The following CACNA1C variants were observed in gnomAD, a reference collection of about 807,000 sequenced individuals.
CACNA1C encodes voltage-dependent L-type calcium channel subunit alpha-1C.
A neutral mutation model predicts 229.0 loss-of-function variants in CACNA1C; 30 were observed. That is an observed-to-expected ratio of 0.13 (90% CI 0.10 to 0.18). The LOEUF is 0.18. CACNA1C is among the 10% of genes least tolerant of loss of function. CACNA1C has a pLI of 1.00. For missense variants in CACNA1C, 1,658 were observed against 2,845.0 expected, an observed-to-expected ratio of 0.58 and a Z score of 9.49; for synonymous variants, 1,114 against 1,132.5, an observed-to-expected ratio of 0.98 and a Z score of 0.33.
At chr12:2,371,553 T>C (rs1158248366) in intron 3 of CACNA1C, among the ~76,000 whole-genome samples, 6 of 152,074 alleles carry the variant, frequency 3.9e-5, no homozygotes, top group Non-Finnish European at 8.8e-5. Context: ...TCTGACAAGC[T>C]CTCAAGTGAT....
At position 2,632,342 on chromosome 12, in the gene CACNA1C, T is replaced by C. The variant is rs951876636; in HGVS notation, c.3829-1955T>C. On this transcript the variant is annotated intron_variant, in intron 29 of 46. Transcript: ENST00000399655. This position sits in a 1 kb window ranked among gnomAD's most constrained non-coding sequence, Gnocchi z 4.1. Reference sequence around the variant, plus strand: ...AGCTGGGGGTGTATGGGGAATATGATCGCCTGTAGCTGGGGGTGTATGCAC... The same window carrying C: ...AGCTGGGGGTGTATGGGGAATATGACCGCCTGTAGCTGGGGGTGTATGCAC... Among the ~76,000 whole-genome samples the C allele has an allele frequency of 6.6e-6, 1 of 151,146 alleles. No homozygotes were observed. The highest frequency in any genetic ancestry group is 2.4e-5 in the African/African-American group (1 of 40,914).
chr12:2,076,980 G>A (rs1325448774), intron 1 of CACNA1C, among the ~76,000 whole-genome samples: 1 of 152,234 alleles, frequency 6.6e-6, no homozygotes, highest in Non-Finnish European at 1.5e-5. Flanking sequence ...GTGCCCTGGA[G>A]CGGACGCCAT....
At chr12:2,662,891 A>T (rs1216063801) in intron 34 of CACNA1C, among the ~76,000 whole-genome samples, 1 of 152,268 alleles carries the variant, frequency 6.6e-6, no homozygotes, top group Non-Finnish European at 1.5e-5. Flanking sequence ...GTAGGTGAAG[A>T]TGTACTATTC....
At chr12:2,521,328 C>T (rs1462304041) in intron 9 of CACNA1C, among the ~76,000 whole-genome samples, 1 of 152,184 alleles carries the variant, frequency 6.6e-6, no homozygotes, top group East Asian at 1.9e-4. Flanking sequence ...CAGGGAGCCA[C>T]CGGGACCTCT....
intron 3 of CACNA1C, among the ~76,000 whole-genome samples, chr12:2,375,678 A>G (rs1479502926): frequency 6.6e-6 from 1 of 152,164 alleles, no homozygotes; most frequent in African/African-American, 2.4e-5. Flanking sequence ...AAGGATGCTT[A>G]TTATTGCTGC....
At chr12:2,035,839 T>A (rs1435295309) in intron 1 of CACNA1C, among the ~76,000 whole-genome samples, 2 of 152,232 alleles carry the variant, frequency 1.3e-5, no homozygotes, top group East Asian at 3.8e-4. Context: ...TGGCTGTCTG[T>A]TCTAGTATTT....
At chr12:1,986,159 T>C (rs991472285) in intron 1 of CACNA1C, among the ~76,000 whole-genome samples, 4 of 152,262 alleles carry the variant, frequency 2.6e-5, no homozygotes, top group Non-Finnish European at 5.9e-5. Context: ...ATACATATAC[T>C]AGTCTGAATT....
At chr12:2,688,837 A>G in intron 46 of CACNA1C, 58 bp downstream of exon 46, 1 of 1,347,448 alleles carries the variant, frequency 7.4e-7, no homozygotes, top group Non-Finnish European at 9.9e-7. Flanking sequence ...GGGACTTGGC[A>G]TGCGGGGCTG....
At chr12:2,520,054 G>T (rs1301395267) in intron 9 of CACNA1C, among the ~76,000 whole-genome samples, 1 of 152,262 alleles carries the variant, frequency 6.6e-6, no homozygotes, top group Non-Finnish European at 1.5e-5. Flanking sequence ...GGCAAGGCTT[G>T]CTAGGTTAAG....
chr12:2,523,297 C>A (rs2154580790), intron 9 of CACNA1C, among the ~76,000 whole-genome samples: 1 of 152,206 alleles, frequency 6.6e-6, no homozygotes, highest in Middle Eastern at 3.4e-3. Flanking sequence ...CAAGCGCCAT[C>A]CCTTTGGAAT....
rs767784661 is a variant in CACNA1C at position 2,285,903 on chromosome 12, A to G, written c.478-163073A>G. Among the ~76,000 whole-genome samples, 10 of 152,192 alleles carry G rather than the reference A, an allele frequency of 6.6e-5. No homozygotes were observed. The highest frequency in any genetic ancestry group is 1.2e-4 in the Non-Finnish European group (8 of 68,034). On this transcript the variant is annotated intron_variant, in intron 3 of 46. Coordinates refer to ENST00000399655, the MANE Select transcript of CACNA1C (RefSeq NM_000719.7). This position sits in a 1 kb window ranked among gnomAD's most constrained non-coding sequence, Gnocchi z 4.2. ...TTCCACTGAAGATAGGGATTCTTCAAACTGCACAGCTTTTCAGGCCATTTC... is the reference window on the plus strand; with the variant it reads ...TTCCACTGAAGATAGGGATTCTTCAGACTGCACAGCTTTTCAGGCCATTTC...
At chr12:2,466,300 G>A (rs963196607) in intron 5 of CACNA1C, among the ~76,000 whole-genome samples, 1 of 152,208 alleles carries the variant, frequency 6.6e-6, no homozygotes, top group Non-Finnish European at 1.5e-5. Context: ...GTGGCTCCCA[G>A]GAAAGTGTTT....
At position 2,677,951 on chromosome 12, in the gene CACNA1C, C is replaced by T; in HGVS notation, c.5091+84C>T. On this transcript the variant is annotated intron_variant, in intron 41 of 46. Transcript: ENST00000399655. This position sits in a 1 kb window ranked among gnomAD's most constrained non-coding sequence, Gnocchi z 7.4. The stretch of plus-strand genomic sequence containing the variant: ...TGGGCTGGGGTTTTGCGGGGAACGT[C>T]CAGGGGAAGGAGCTGCACCAGAGGA... 1 of 1,502,216 alleles carries T rather than the reference C, an allele frequency of 6.7e-7. No homozygotes were observed. 93.1% of individuals were successfully genotyped at this position (1,502,216 alleles called of 1,614,324 possible). A position where few individuals can be genotyped will look rare whatever the true frequency, so the allele number is the denominator to read the frequency against.
intron 4 of CACNA1C, among the ~76,000 whole-genome samples, chr12:2,456,924 G>A (rs368930048): frequency 1.1e-4 from 17 of 152,260 alleles, no homozygotes; most frequent in African/African-American, 3.9e-4. Context: ...AGGTGTTCTT[G>A]TTTGTTGGAG....
chr12:2,490,129 A>C (rs1344570135), intron 6 of CACNA1C, among the ~76,000 whole-genome samples: 1 of 152,234 alleles, frequency 6.6e-6, no homozygotes, highest in African/African-American at 2.4e-5. Flanking sequence ...TTATTGTTCA[A>C]ATCGGATTTT....
intron 11 of CACNA1C, among the ~76,000 whole-genome samples, chr12:2,565,263 T>C (rs1020666619): frequency 2.6e-4 from 39 of 150,918 alleles, no homozygotes; most frequent in Non-Finnish European, 4.0e-4. Flanking sequence ...GGTCAGGAGA[T>C]CGAGACCATC....
intron 3 of CACNA1C, among the ~76,000 whole-genome samples, chr12:2,255,622 G>A (rs1434414491): frequency 6.6e-6 from 1 of 152,226 alleles, no homozygotes; most frequent in Non-Finnish European, 1.5e-5. Context: ...GTAAGCTGGT[G>A]GCCTTCAGAA....
At chr12:2,255,352 A>G (rs2077037991) in intron 3 of CACNA1C, among the ~76,000 whole-genome samples, 1 of 151,922 alleles carries the variant, frequency 6.6e-6, no homozygotes, top group African/African-American at 2.4e-5. Flanking sequence ...GGAGTTTGCT[A>G]ACAGACCTGG....
intron 7 of CACNA1C, among the ~76,000 whole-genome samples, chr12:2,500,514 C>T (rs1000569474): frequency 6.6e-6 from 1 of 152,176 alleles, no homozygotes; most frequent in African/African-American, 2.4e-5. Context: ...GCCTGGGCGC[C>T]ATCGAGCCCA....
Sources: allele counts gnomAD v4.1 joint callset (sites outside exome capture counted in the v4.1 genomes callset), GRCh38; gene constraint gnomAD v4.1.1; non-coding constraint Gnocchi (gnomAD v3.1); transcripts MANE v1.5; gene names NCBI Gene and HGNC (gene_info 2026-07-23, HGNC 2026-07-21).